NRXN1: variants seen among roughly 807,000 people sequenced by gnomAD.
The protein encoded by NRXN1 is neurexin-1.
Under a neutral mutation model 150.9 loss-of-function variants are expected in NRXN1, and 39 were observed. That is an observed-to-expected ratio of 0.26 (90% CI 0.20 to 0.34). The LOEUF (loss-of-function observed/expected upper bound fraction) is 0.34, where lower values mean the gene tolerates loss of function less well. Ranked by LOEUF, NRXN1 falls within the 10% of genes least tolerant of loss-of-function variation. NRXN1 has a pLI of 1.00. For synonymous variants in NRXN1, 924 were observed against 757.0 expected (o/e 1.22, Z -3.62); for missense variants, 1,815 against 1,949.9 (o/e 0.93, Z 1.30).
chr2:50,528,804 G>T, intron 11 of NRXN1, 153 bp from the exon 12 acceptor site: 1 of 516,818 alleles, frequency 1.9e-6, no homozygotes, highest in Non-Finnish European at 3.5e-6. Flanking sequence ...ATAAAGCCCA[G>T]ATGTTTTGTT....
At chr2:50,690,809 T>G (rs1348910598) in intron 5 of NRXN1, among the ~76,000 whole-genome samples, 5 of 152,258 alleles carry the variant, frequency 3.3e-5, no homozygotes, top group African/African-American at 7.2e-5. Context: ...TTCTCTTGAT[T>G]TTCTCTTCTC....
At chr2:51,024,146 T>G (rs1670058737) in intron 2 of NRXN1, among the ~76,000 whole-genome samples, 1 of 152,188 alleles carries the variant, frequency 6.6e-6, no homozygotes, top group East Asian at 1.9e-4. Flanking sequence ...TGAGTGCTCT[T>G]AAGTAGAAAT....
chr2:50,313,042 T>C (rs1036352498), intron 17 of NRXN1, among the ~76,000 whole-genome samples: 4 of 152,058 alleles, frequency 2.6e-5, no homozygotes, highest in African/African-American at 9.7e-5. Flanking sequence ...AACAACATTA[T>C]ATATGGGTAA....
chr2:50,672,702 C>G (rs965911472), intron 5 of NRXN1, among the ~76,000 whole-genome samples: 1 of 151,942 alleles, frequency 6.6e-6, no homozygotes, highest in Non-Finnish European at 1.5e-5. Flanking sequence ...AATTTCCCAG[C>G]TCTGTTATAG....
intron 2 of NRXN1, among the ~76,000 whole-genome samples, chr2:50,971,957 A>G (rs1045636438): frequency 1.3e-5 from 2 of 152,214 alleles, no homozygotes; most frequent in Admixed American, 1.3e-4. Flanking sequence ...TTATTTTCCC[A>G]AAGAGAATCT....
intron 18 of NRXN1, among the ~76,000 whole-genome samples, chr2:50,189,985 G>A (rs950544634): frequency 1.3e-5 from 2 of 152,036 alleles, no homozygotes; most frequent in Admixed American, 1.3e-4. Flanking sequence ...TGAATGAAGT[G>A]GTATGAGATT....
intron 5 of NRXN1, among the ~76,000 whole-genome samples, chr2:50,840,436 C>T (rs1672702441): frequency 6.6e-6 from 1 of 152,142 alleles, no homozygotes; most frequent in Non-Finnish European, 1.5e-5. Context: ...TCTTTCATTT[C>T]ACCGCTGAGA....
At chr2:50,760,078 A>AT (rs921937552) in intron 5 of NRXN1, among the ~76,000 whole-genome samples, 2 of 151,816 alleles carry the variant, frequency 1.3e-5, no homozygotes, top group African/African-American at 4.8e-5. Context: ...CACATAGTTC[A>AT]TTTTTTAAAA....
intron 21 of NRXN1, among the ~76,000 whole-genome samples, chr2:50,025,652 A>G (rs1274608353): frequency 1.3e-5 from 2 of 152,202 alleles, no homozygotes; most frequent in African/African-American, 4.8e-5. Context: ...TTTAAAACAC[A>G]TTTCTGGAAG....
At chr2:50,759,786 A>G (rs1159194078) in intron 5 of NRXN1, among the ~76,000 whole-genome samples, 2 of 151,068 alleles carry the variant, frequency 1.3e-5, no homozygotes, top group Admixed American at 1.3e-4. Context: ...TAATCTGCAA[A>G]CTTTTCTGAC....
chr2:50,176,468 C>G lies in NRXN1; in HGVS notation c.3546+60321G>C, dbSNP rs142394817. ...TGTTTAATGGCATGCCTGGCCTCGA[C>G]TCATTAGATGCCTGTTATCACCTCT... On this transcript the variant is annotated intron_variant, in intron 18 of 22. Transcript: ENST00000401669. 3.9e-3 allele frequency among the ~76,000 whole-genome samples: 588 copies of G among 152,180 alleles called. 2 individuals carry two copies. The highest frequency in any genetic ancestry group is 0.014 in the African/African-American group (563 of 41,536).
chr2:50,731,875 G>T (rs562621173), intron 5 of NRXN1, among the ~76,000 whole-genome samples: 1 of 152,078 alleles, frequency 6.6e-6, no homozygotes. Context: ...CCTTGTTTTC[G>T]TTTGGCTGTT....
intron 2 of NRXN1, among the ~76,000 whole-genome samples, chr2:51,001,236 G>T (rs1481134771): frequency 1.1e-5 from 1 of 89,304 alleles, no homozygotes; most frequent in Non-Finnish European, 2.1e-5. Context: ...CATGGGGTTG[G>T]GGGGGGGGGG....
At position 50,806,477 on chromosome 2, in the gene NRXN1, G is replaced by C. The variant is rs138522561; in HGVS notation, c.832+115392C>G. 1.2e-4 allele frequency among the ~76,000 whole-genome samples: 18 copies of C among 152,092 alleles called. No individual in the cohort carries two copies. In the East Asian group the frequency reaches 3.3e-3, roughly 28 times the overall value. On this transcript the variant is annotated intron_variant, in intron 5 of 22. Transcript: ENST00000401669. ...CGTATTGTTATTTTACTCAAGATTTGTTCAAATGTTTTACTTTTTGTAAGT... is the reference window on the plus strand; with the variant it reads ...CGTATTGTTATTTTACTCAAGATTTCTTCAAATGTTTTACTTTTTGTAAGT...
At chr2:50,862,851 G>A (rs574982911) in intron 5 of NRXN1, among the ~76,000 whole-genome samples, 1 of 152,034 alleles carries the variant, frequency 6.6e-6, no homozygotes, top group South Asian at 2.1e-4. Flanking sequence ...TGTACCATTT[G>A]TCTCCAAAAT....
chr2:50,765,558 C>T (rs1702287580), intron 5 of NRXN1, among the ~76,000 whole-genome samples: 1 of 152,050 alleles, frequency 6.6e-6, no homozygotes, highest in African/African-American at 2.4e-5. Context: ...GAGCCATGTG[C>T]ATGCTCCAGG....
chr2:50,466,552 G>A lies in NRXN1; in HGVS notation c.3245-991C>T, dbSNP rs962153742. 2.7e-4 allele frequency: 121 copies of A among 453,500 alleles called. 1 individual carries two copies. The highest frequency in any genetic ancestry group is 2.2e-3 in the African/African-American group (111 of 49,564). The allele number at this position is 453,500 out of a possible 1,614,324, so 28.1% of individuals were successfully genotyped here. On this transcript the variant is annotated intron_variant, in intron 16 of 22. Coordinates refer to ENST00000401669, the MANE Select transcript of NRXN1 (RefSeq NM_001330078.2). ...ATGTTAGTAAGCAATACTGAAATGG[G>A]GCAAACACAGAAGAATGTTCAGATT...
intron 5 of NRXN1, chr2:50,829,456 A>T (rs2105878261): frequency 6.5e-7 from 1 of 1,546,722 alleles, no homozygotes; most frequent in East Asian, 2.2e-5. Flanking sequence ...TTGCTGATGT[A>T]GCCTGACAGC....
chr2:50,432,638 C>T (rs1224603170), intron 17 of NRXN1, among the ~76,000 whole-genome samples: 1 of 152,182 alleles, frequency 6.6e-6, no homozygotes, highest in African/African-American at 2.4e-5. Context: ...TTACTTGAGA[C>T]AGGAGAGTTT....
Sources: gnomAD v4.1 joint callset for allele counts (sites outside exome capture counted in the v4.1 genomes callset) on GRCh38, gnomAD v4.1.1 for gene constraint, MANE v1.5 for transcripts, NCBI Gene and HGNC (gene_info 2026-07-23, HGNC 2026-07-21) for gene names.